The following CWC27 variants were observed in gnomAD, a reference collection of about 807,000 sequenced individuals.
CWC27 encodes the protein spliceosome-associated protein CWC27 homolog.
In CWC27, 47 loss-of-function variants were observed where a neutral mutation model predicts 63.6. The ratio of observed to expected loss-of-function variants is 0.74; its 90% confidence interval spans 0.58 to 0.94. The LOEUF is 0.94. Among genes scored for constraint, CWC27 ranks in the 40% least tolerant of loss-of-function variants. The pLI, the probability that CWC27 is intolerant of heterozygous loss-of-function variation, is 0.00. For synonymous variants in CWC27, 175 were observed against 179.8 expected (o/e 0.97, Z 0.22); for missense variants, 495 against 554.3 (o/e 0.89, Z 1.07).
intron 13 of CWC27, among the ~76,000 whole-genome samples, chr5:64,988,146 C>T (rs1749470024): frequency 6.6e-6 from 1 of 152,084 alleles, no homozygotes; most frequent in Admixed American, 6.6e-5. Flanking sequence ...TTGTATTTTT[C>T]AGTTCTAAAA....
intron 11 of CWC27, among the ~76,000 whole-genome samples, chr5:64,899,688 T>C (rs1747458434): frequency 6.6e-6 from 1 of 152,194 alleles, no homozygotes; most frequent in Non-Finnish European, 1.5e-5. Flanking sequence ...ACATTTGTAA[T>C]AGCTTTATTG....
intron 11 of CWC27, among the ~76,000 whole-genome samples, chr5:64,968,472 C>T (rs1200986154): frequency 2.0e-5 from 3 of 152,018 alleles, no homozygotes; most frequent in Admixed American, 1.3e-4. Flanking sequence ...TAGCCAAAAA[C>T]GGTAAGCAAC....
chr5:64,879,803 T>A (rs1298908867), intron 10 of CWC27, among the ~76,000 whole-genome samples: 21 of 136,168 alleles, frequency 1.5e-4, no homozygotes, highest in Non-Finnish European at 2.8e-4. Flanking sequence ...AAAAAAAAAA[T>A]GGAAAAGCCA....
At chr5:64,997,796 G>C (rs1055643129) in intron 13 of CWC27, among the ~76,000 whole-genome samples, 3 of 152,034 alleles carry the variant, frequency 2.0e-5, no homozygotes, top group Non-Finnish European at 4.4e-5. Context: ...AAAGCAAAAG[G>C]ATATCATCAC....
chr5:65,010,774 T>TA (rs1749940085), intron 13 of CWC27, among the ~76,000 whole-genome samples: 1 of 152,238 alleles, frequency 6.6e-6, no homozygotes, highest in African/African-American at 2.4e-5. Context: ...TTTCATATCA[T>TA]AAAGTTAGTA....
At chr5:64,900,174 A>G (rs1747468132) in intron 11 of CWC27, among the ~76,000 whole-genome samples, 1 of 152,240 alleles carries the variant, frequency 6.6e-6, no homozygotes. Flanking sequence ...GTGCCATTGT[A>G]CATCCTACAA....
chr5:64,782,139 A>G (rs2011079), intron 3 of CWC27, 106 bp downstream of exon 3: 323,764 of 585,222 alleles, frequency 0.55, 92,295 homozygotes, highest in East Asian at 0.85. Flanking sequence ...AGAGGAAAAA[A>G]CGTTTCACAT....
At chr5:64,851,617 C>T (rs189452040) in intron 10 of CWC27, among the ~76,000 whole-genome samples, 1,652 of 152,196 alleles carry the variant, frequency 0.011, 10 homozygotes, top group Non-Finnish European at 0.015. Flanking sequence ...TTTAATTTTT[C>T]CACATTGTAT....
intron 10 of CWC27, among the ~76,000 whole-genome samples, chr5:64,843,400 A>G (rs1486403152): frequency 1.3e-5 from 2 of 152,260 alleles, no homozygotes; most frequent in Non-Finnish European, 2.9e-5. Flanking sequence ...TTTGCTGCAC[A>G]TATGTGGGAG....
Position 64,943,697 on chromosome 5 carries a change from G to A in CWC27, c.1043-28006G>A, listed in dbSNP as rs79343782. Among the ~76,000 whole-genome samples the A allele has an allele frequency of 8.5e-5, 13 of 152,214 alleles. No individual in the cohort carries two copies. The East Asian group carries it at 1.5e-3, about 18-fold the overall frequency. On this transcript the variant is annotated intron_variant, in intron 11 of 13. Coordinates refer to ENST00000381070, the MANE Select transcript of CWC27 (RefSeq NM_005869.4). ...TATATTGCAAAGTTCCTAGCACATC[G>A]TAGATTTCTTCTCATGGTCATAAGA...
rs569583210 is a variant in CWC27 at position 64,772,280 on chromosome 5, C to T, written c.43-2411C>T. 3.9e-5 allele frequency among the ~76,000 whole-genome samples: 6 copies of T among 152,070 alleles called. No homozygotes were observed. In the South Asian group the frequency reaches 1.2e-3, roughly 32 times the overall value. On this transcript the variant is annotated intron_variant, in intron 1 of 13. Transcript: ENST00000381070. ...CATCCATGAGCTGTGGGGAGAAAAT[C>T]TATATATATTTGTATTTTTTTCCTT...
chr5:64,859,137 T>C (rs1355449360), intron 10 of CWC27, among the ~76,000 whole-genome samples: 1 of 151,470 alleles, frequency 6.6e-6, no homozygotes, highest in African/African-American at 2.4e-5. Context: ...AAATACTTTG[T>C]GTTGAGTGAA....
intron 11 of CWC27, among the ~76,000 whole-genome samples, chr5:64,913,500 G>A (rs1479289223): frequency 6.6e-6 from 1 of 151,986 alleles, no homozygotes; most frequent in African/African-American, 2.4e-5. Context: ...TAAAATTAAT[G>A]TGAGTATACC....
chr5:64,926,589 G>A (rs921528451), intron 11 of CWC27, among the ~76,000 whole-genome samples: 13 of 151,940 alleles, frequency 8.6e-5, no homozygotes, highest in East Asian at 3.8e-4. Flanking sequence ...CAATGAAGAC[G>A]TAAATAAAAA....
chr5:65,015,675 G>T (rs1338315960), intron 13 of CWC27, among the ~76,000 whole-genome samples: 1 of 152,178 alleles, frequency 6.6e-6, no homozygotes, highest in African/African-American at 2.4e-5. Context: ...AAGATTGTAA[G>T]AAGTGTTGAA....
At chr5:64,943,189 A>G (rs568180652) in intron 11 of CWC27, among the ~76,000 whole-genome samples, 3 of 152,134 alleles carry the variant, frequency 2.0e-5, no homozygotes, top group Non-Finnish European at 2.9e-5. Context: ...AATGAAGTTA[A>G]CGAATAAAAC....
At chr5:65,004,882 A>G (rs1336744803) in intron 13 of CWC27, among the ~76,000 whole-genome samples, 1 of 67,772 alleles carries the variant, frequency 1.5e-5, no homozygotes, top group Non-Finnish European at 2.8e-5. Flanking sequence ...ATATATATAT[A>G]TATATATATA....
At chr5:64,815,635 G>A (rs2112236394) in intron 10 of CWC27, among the ~76,000 whole-genome samples, 1 of 152,132 alleles carries the variant, frequency 6.6e-6, no homozygotes. Flanking sequence ...TGGCAGCCTG[G>A]AGGAAGAAAA....
intron 11 of CWC27, among the ~76,000 whole-genome samples, chr5:64,943,152 GA>G (rs200436933): frequency 2.6e-5 from 4 of 151,486 alleles, no homozygotes; most frequent in Non-Finnish European, 5.9e-5. Context: ...ACTCCTAGGT[GA>G]AAAAAAAGAT....
Sources: gnomAD v4.1 joint callset for allele counts (sites outside exome capture counted in the v4.1 genomes callset) on GRCh38, gnomAD v4.1.1 for gene constraint, MANE v1.5 for transcripts, NCBI Gene and HGNC (gene_info 2026-07-23, HGNC 2026-07-21) for gene names.